CHODL: variants seen among roughly 807,000 people sequenced by gnomAD.
CHODL encodes chondrolectin, also known as transmembrane protein MT75.
A neutral mutation model predicts 34.5 loss-of-function variants in CHODL; 29 were observed. The observed-to-expected ratio is 0.84, with a 90% CI of 0.63 to 1.15. The LOEUF (loss-of-function observed/expected upper bound fraction) is 1.15. Among genes scored for constraint, CHODL ranks in the 50% most tolerant of loss-of-function variants. CHODL has a pLI of 0.00. For synonymous variants in CHODL, 125 were observed against 116.1 expected, an observed-to-expected ratio of 1.08 and a Z score of -0.49; for missense variants, 332 against 332.5, an observed-to-expected ratio of 1.00 and a Z score of 0.01.
At chr21:18,186,794 TTCTACCTGG>T (rs2073446866) in intron 2 of CHODL, among the ~76,000 whole-genome samples, 1 of 152,228 alleles carries the variant, frequency 6.6e-6, no homozygotes, top group Non-Finnish European at 1.5e-5. Flanking sequence ...TGAAATCACC[TTCTACCTGG>T]TGGATATTTT....
chr21:18,047,325 A>T (rs1010603607), intron 2 of CHODL, among the ~76,000 whole-genome samples: 4 of 151,932 alleles, frequency 2.6e-5, no homozygotes, highest in Non-Finnish European at 5.9e-5. Context: ...GATAATTGTG[A>T]GAGAGAAATT....
chr21:18,033,553 T>C (rs1294023860), intron 2 of CHODL, among the ~76,000 whole-genome samples: 1 of 152,092 alleles, frequency 6.6e-6, no homozygotes, highest in Admixed American at 6.6e-5. Flanking sequence ...GACAGTCCTG[T>C]GACCTCTGAC....
At chr21:17,944,214 C>G (rs1217481832) in intron 1 of CHODL, among the ~76,000 whole-genome samples, 5 of 152,140 alleles carry the variant, frequency 3.3e-5, no homozygotes, top group Admixed American at 1.3e-4. Flanking sequence ...AGCAACTCTG[C>G]ATAGCCAAAA....
intron 1 of CHODL, among the ~76,000 whole-genome samples, chr21:18,010,325 A>C (rs1204689731): frequency 6.8e-6 from 1 of 146,406 alleles, no homozygotes; most frequent in South Asian, 2.2e-4. Context: ...AAAAAAAAGA[A>C]GAAAAAGGAA....
At chr21:17,978,055 G>A (rs1394695994) in intron 1 of CHODL, among the ~76,000 whole-genome samples, 1 of 152,046 alleles carries the variant, frequency 6.6e-6, no homozygotes, top group African/African-American at 2.4e-5. Context: ...AAACCCATCT[G>A]TTATCCCACA....
Position 17,937,735 on chromosome 21 carries a change from T to G in CHODL, c.-145+20335T>G, listed in dbSNP as rs146381140. Among the ~76,000 whole-genome samples, 938 of 152,304 alleles carry G rather than the reference T, an allele frequency of 6.2e-3. 12 individuals carry two copies. The highest frequency in any genetic ancestry group is 0.021 in the African/African-American group (890 of 41,560). On this transcript the variant is annotated intron_variant, in intron 1 of 6. Coordinates refer to the CHODL transcript ENST00000400127. ...GGATAATTTTTCTACCTTCTCATTT[T>G]TTTCACTTTGATAGGCTTTTTCAAA... is the stretch of plus-strand genomic sequence containing the variant.
intron 2 of CHODL, among the ~76,000 whole-genome samples, chr21:18,198,191 A>ATC (rs1170880139): frequency 6.6e-6 from 1 of 152,222 alleles, no homozygotes. Context: ...CATTATACAA[A>ATC]GAACTTCCAT....
intron 2 of CHODL, among the ~76,000 whole-genome samples, chr21:18,150,211 C>A (rs1313965620): frequency 6.6e-6 from 1 of 152,004 alleles, no homozygotes; most frequent in East Asian, 1.9e-4. Context: ...TTGTGGAGAC[C>A]AAAGTTCTTA....
rs1302741389 is a variant in CHODL, at chr21:17,934,425, C to G, written c.-145+17025C>G. 4.4e-5 allele frequency among the ~76,000 whole-genome samples: 6 copies of G among 137,004 alleles called. No homozygotes were observed. In the East Asian group the frequency reaches 9.3e-4, roughly 21 times the overall value. 89.9% of individuals were successfully genotyped at this position (137,004 alleles called of 152,430 possible). ...AATACTCAGTTCACATTTTGTCTGTCTTTCACTCTCTCTCTCTCTCTCCCT... is the reference window on the plus strand; with the variant it reads ...AATACTCAGTTCACATTTTGTCTGTGTTTCACTCTCTCTCTCTCTCTCCCT... On this transcript the variant is annotated intron_variant, in intron 1 of 6. Coordinates refer to the CHODL transcript ENST00000400127.
At position 17,926,733 on chromosome 21, in the gene CHODL, C is replaced by G. The variant is rs140920914; in HGVS notation, c.-145+9333C>G. ...CACGTGGATTATAGGGATTACAATT[C>G]AAGATGAGATTTTGGGTGGGGACAC... On this transcript the variant is annotated intron_variant, in intron 1 of 6. Transcript: ENST00000400127. 7.2e-4 allele frequency among the ~76,000 whole-genome samples: 109 copies of G among 152,230 alleles called. 1 individual carries two copies. The highest frequency in any genetic ancestry group is 2.6e-3 in the African/African-American group (108 of 41,540).
intron 1 of CHODL, among the ~76,000 whole-genome samples, chr21:17,927,224 C>T (rs2063236523): frequency 6.8e-6 from 1 of 147,818 alleles, no homozygotes; most frequent in East Asian, 2.0e-4. Flanking sequence ...ATATATATCC[C>T]AGAGTTGAAG....
intron 1 of CHODL, among the ~76,000 whole-genome samples, chr21:17,989,866 G>A (rs371503687): frequency 1.8e-4 from 27 of 152,110 alleles, no homozygotes; most frequent in Admixed American, 1.4e-3. Context: ...CAAGAACTTG[G>A]ATGTAAACAG....
At chr21:18,136,410 G>A (rs1014924990) in intron 2 of CHODL, among the ~76,000 whole-genome samples, 1 of 152,144 alleles carries the variant, frequency 6.6e-6, no homozygotes, top group Admixed American at 6.5e-5. Context: ...CAGTGCCTAA[G>A]TTTGACTGTT....
intron 2 of CHODL, among the ~76,000 whole-genome samples, chr21:18,196,397 T>A (rs1358315332): frequency 3.9e-5 from 6 of 152,198 alleles, no homozygotes; most frequent in Non-Finnish European, 7.3e-5. Flanking sequence ...GTGGGGGACT[T>A]TTCAAAAATG....
chr21:18,133,049 G>A (rs2146596781), intron 2 of CHODL, among the ~76,000 whole-genome samples: 1 of 151,986 alleles, frequency 6.6e-6, no homozygotes, highest in Middle Eastern at 3.4e-3. Flanking sequence ...TAACTCTTAT[G>A]GGGTTTGTTC....
intron 1 of CHODL, among the ~76,000 whole-genome samples, chr21:17,969,362 A>G (rs1441082814): frequency 1.3e-5 from 2 of 152,242 alleles, no homozygotes; most frequent in East Asian, 3.8e-4. Flanking sequence ...AGAAAAGAAA[A>G]GAGAAAGATG....
chr21:17,961,453 A>C (rs945631223), intron 1 of CHODL, among the ~76,000 whole-genome samples: 3 of 152,224 alleles, frequency 2.0e-5, no homozygotes, highest in Non-Finnish European at 4.4e-5. Flanking sequence ...CTCAGAGAAA[A>C]GCTTCATTAT....
At position 17,962,889 on chromosome 21, in the gene CHODL, C is replaced by G. The variant is rs2063542108; in HGVS notation, c.-145+45489C>G. On this transcript the variant is annotated intron_variant, in intron 1 of 6. Coordinates refer to the CHODL transcript ENST00000400127. ...CCATCCTGGCTAACACGGTGAAAACCTGTCTCTACTAAAAACACAAAAAAA... is the reference window on the plus strand; with the variant it reads ...CCATCCTGGCTAACACGGTGAAAACGTGTCTCTACTAAAAACACAAAAAAA... Among the ~76,000 whole-genome samples, 7 of 151,814 alleles carry G rather than the reference C, an allele frequency of 4.6e-5. No individual in the cohort carries two copies. In the South Asian group the frequency reaches 1.5e-3, roughly 32 times the overall value.
At chr21:18,136,914 T>C (rs1239298332) in intron 2 of CHODL, among the ~76,000 whole-genome samples, 4 of 151,884 alleles carry the variant, frequency 2.6e-5, no homozygotes, top group African/African-American at 7.2e-5. Flanking sequence ...TCCAATGCCC[T>C]ATACCATGAC....
Sources: gnomAD v4.1 joint callset for allele counts (sites outside exome capture counted in the v4.1 genomes callset) on GRCh38, gnomAD v4.1.1 for gene constraint, MANE v1.5 for transcripts, NCBI Gene and HGNC (gene_info 2026-07-23, HGNC 2026-07-21) for gene names.